The following AASDHPPT variants were observed in gnomAD, a reference collection of about 807,000 sequenced individuals.
AASDHPPT encodes the protein L-aminoadipate-semialdehyde dehydrogenase-phosphopantetheinyl transferase.
In AASDHPPT, 23 loss-of-function variants were observed where a neutral mutation model predicts 36.4. That is an observed-to-expected ratio of 0.63 (90% CI 0.45 to 0.89). The LOEUF (loss-of-function observed/expected upper bound fraction) is 0.89. AASDHPPT is among the 40% of genes least tolerant of loss of function. The probability of loss-of-function intolerance (pLI) is 0.00; values close to 1 mark genes in which losing one functional copy is unlikely to be tolerated. For missense variants in AASDHPPT, 377 were observed against 378.2 expected, an observed-to-expected ratio of 1.00 and a Z score of 0.03; for synonymous variants, 115 against 128.0, an observed-to-expected ratio of 0.90 and a Z score of 0.68.
rs1439748836 is a variant in AASDHPPT at position 106,098,509 on chromosome 11, A to G, written c.*1602A>G. 6.6e-6 allele frequency: 1 copy of G among 150,956 alleles called. No individual in the cohort carries two copies. The highest frequency in any genetic ancestry group is 1.5e-5 in the Non-Finnish European group (1 of 67,612). The allele number at this position is 150,956 out of a possible 1,614,324, so 9.4% of individuals were successfully genotyped here. ...AATTAGGTACTTCGATTAGTAAAAG[A>G]AAAAAATTTGAATGTTTTTTTTTTT... is the stretch of plus-strand genomic sequence containing the variant. On this transcript the variant is annotated 3_prime_UTR_variant, in exon 6 of 6. Coordinates refer to ENST00000278618, the MANE Select transcript of AASDHPPT (RefSeq NM_015423.3).
At chr11:106,095,641 G>A (rs550935471) in intron 5 of AASDHPPT, 1 of 152,274 alleles carries the variant, frequency 6.6e-6, no homozygotes, top group Non-Finnish European at 1.5e-5. Flanking sequence ...ATGAAAGAAT[G>A]TAGCATGATC....
chr11:106,092,244 C>CT (rs1193322180), intron 4 of AASDHPPT: 1 of 152,162 alleles, frequency 6.6e-6, no homozygotes, highest in African/African-American at 2.4e-5. Flanking sequence ...AAGGGATGCC[C>CT]TGGCCTAGCT....
chr11:106,078,733 G>A (rs1861096014), intron 1 of AASDHPPT, among the ~76,000 whole-genome samples: 1 of 152,078 alleles, frequency 6.6e-6, no homozygotes, highest in Non-Finnish European at 1.5e-5. Flanking sequence ...AAAAGTCAGT[G>A]TTAGAATTGA....
intron 4 of AASDHPPT, chr11:106,092,224 A>T (rs1208171589): frequency 1.3e-5 from 2 of 152,180 alleles, no homozygotes; most frequent in Non-Finnish European, 2.9e-5. Flanking sequence ...CAAGCCCAAA[A>T]ATCCTAGAGA....
At position 106,097,023 on chromosome 11, in the gene AASDHPPT, G is replaced by T; in HGVS notation, c.*116G>T. On this transcript the variant is annotated 3_prime_UTR_variant, in exon 6 of 6. Transcript: ENST00000278618. ...TTCACGAAAGTTTTTTTAAAGAACAGAAACTTTTCCAATTAAAAAAAAAAA... is the reference window on the plus strand; with the variant it reads ...TTCACGAAAGTTTTTTTAAAGAACATAAACTTTTCCAATTAAAAAAAAAAA... 9.4e-7 allele frequency: 1 copy of T among 1,069,278 alleles called. No homozygotes were observed. The highest frequency in any genetic ancestry group is 1.3e-6 in the Non-Finnish European group (1 of 779,272). 66.2% of individuals were successfully genotyped at this position (1,069,278 alleles called of 1,614,324 possible).
At chr11:106,085,866 CCCT>C (rs1479085314) in intron 2 of AASDHPPT, 5 of 152,212 alleles carry the variant, frequency 3.3e-5, no homozygotes, top group African/African-American at 1.2e-4. Flanking sequence ...GGTTGAGTAT[CCCT>C]AGTGGGAAAT....
chr11:106,085,161 G>C (rs1318737148), intron 2 of AASDHPPT, among the ~76,000 whole-genome samples: 1 of 151,612 alleles, frequency 6.6e-6, no homozygotes, highest in African/African-American at 2.4e-5. Context: ...GAGTGCAGTG[G>C]CGTGATCTTG....
chr11:106,095,147 T>G (rs1394454908), intron 5 of AASDHPPT, among the ~76,000 whole-genome samples: 1 of 152,132 alleles, frequency 6.6e-6, no homozygotes, highest in Non-Finnish European at 1.5e-5. Flanking sequence ...TGTTACCCGC[T>G]TCTTCACATT....
In AASDHPPT at chr11:106,098,636, T is replaced by C. The variant is rs1313229200; in HGVS notation, c.*1729T>C. 1.3e-5 allele frequency: 2 copies of C among 151,980 alleles called. No individual in the cohort carries two copies. The highest frequency in any genetic ancestry group is 4.8e-5 in the African/African-American group (2 of 41,424). The allele number at this position is 151,980 out of a possible 1,614,324, so 9.4% of individuals were successfully genotyped here. A position where few individuals can be genotyped will look rare whatever the true frequency, so the allele number is the denominator to read the frequency against. On this transcript the variant is annotated 3_prime_UTR_variant, in exon 6 of 6. Coordinates refer to ENST00000278618, the MANE Select transcript of AASDHPPT (RefSeq NM_015423.3). ...GTTATCCCTAGCATGAGTGTAATGG[T>C]GATATGAAAAACTTTGTCTTGTCAT...
At position 106,097,311 on chromosome 11, in the gene AASDHPPT, T is replaced by A. The variant is rs1437721314; in HGVS notation, c.*404T>A. The A allele has an allele frequency of 5.8e-6, 1 of 171,194 alleles. No individual in the cohort carries two copies. The highest frequency in any genetic ancestry group is 1.2e-5 in the Non-Finnish European group (1 of 81,538). 10.6% of individuals were successfully genotyped at this position (171,194 alleles called of 1,614,324 possible). On this transcript the variant is annotated 3_prime_UTR_variant, in exon 6 of 6. Coordinates refer to ENST00000278618, the MANE Select transcript of AASDHPPT (RefSeq NM_015423.3). The stretch of plus-strand genomic sequence containing the variant: ...GACATATTTGATTTTTTTAAAAACA[T>A]GGAAACGTACTGTTTTGTAAATTCT...
chr11:106,084,754 A>G (rs961010443), intron 2 of AASDHPPT, among the ~76,000 whole-genome samples: 1 of 151,692 alleles, frequency 6.6e-6, no homozygotes, highest in African/African-American at 2.4e-5. Context: ...CTCAGCCTCC[A>G]GTGTAGCTGG....
chr11:106,079,238 C>T (rs1052721779), intron 1 of AASDHPPT, among the ~76,000 whole-genome samples: 4 of 152,180 alleles, frequency 2.6e-5, no homozygotes, highest in African/African-American at 9.7e-5. Context: ...AGGATGCCAG[C>T]TGTTAACTTT....
intron 2 of AASDHPPT, among the ~76,000 whole-genome samples, chr11:106,080,137 T>C (rs566099312): frequency 6.6e-6 from 1 of 152,274 alleles, no homozygotes. Flanking sequence ...CTCATGTGAA[T>C]TTTTTTCAGT....
In AASDHPPT at chr11:106,097,748, C is replaced by G. The variant is rs1364444959; in HGVS notation, c.*841C>G. On this transcript the variant is annotated 3_prime_UTR_variant, in exon 6 of 6. Transcript: ENST00000278618. ...CCCCTCAGTTTCCATTGACTTAGAT[C>G]AGGTTACAGAGAAAGGCAATGTCTG... 6.6e-6 allele frequency: 1 copy of G among 152,044 alleles called. No individual in the cohort carries two copies. The highest frequency in any genetic ancestry group is 1.5e-5 in the Non-Finnish European group (1 of 67,986). 9.4% of individuals were successfully genotyped at this position (152,044 alleles called of 1,614,324 possible).
rs1389902990 is a variant in AASDHPPT, at chr11:106,090,674, A to G, written c.527A>G (p.Asn176Ser). The G allele has an allele frequency of 6.3e-7, 1 of 1,580,004 alleles. No individual in the cohort carries two copies. Among genetic ancestry groups the G allele is most frequent in the Non-Finnish European group, 8.6e-7 (1 of 1,166,250 alleles). ...EWTQLDMFYR[N>S]WALKESFIKA... ...ACTCAGCTGGATATGTTTTATAGGA[A>G]TTGGGTATAATTCTTTCTAATTTTG... is the stretch of plus-strand genomic sequence containing the variant. Residue 176 changes from asparagine to serine, a missense_variant, in exon 3 of 6, where the codon AAT becomes AGT. By Grantham distance (46) the Asn-to-Ser change is conservative. Coordinates refer to ENST00000278618, the MANE Select transcript of AASDHPPT (RefSeq NM_015423.3).
intron 2 of AASDHPPT, among the ~76,000 whole-genome samples, chr11:106,082,982 T>C (rs1861158900): frequency 6.6e-6 from 1 of 152,150 alleles, no homozygotes; most frequent in Non-Finnish European, 1.5e-5. Flanking sequence ...AGGACCAGAA[T>C]TTTCCCCCTA....
At chr11:106,089,328 A>C (rs1182412425) in intron 2 of AASDHPPT, among the ~76,000 whole-genome samples, 1 of 151,982 alleles carries the variant, frequency 6.6e-6, no homozygotes, top group Non-Finnish European at 1.5e-5. Flanking sequence ...CAAATTTTGG[A>C]GTTGGTTATT....
At chr11:106,080,010 GTTAA>G (rs1346675396) in intron 2 of AASDHPPT, among the ~76,000 whole-genome samples, 2 of 152,032 alleles carry the variant, frequency 1.3e-5, no homozygotes, top group African/African-American at 2.4e-5. Context: ...CAATTTTTCA[GTTAA>G]TTGTTTGTTT....
chr11:106,079,275 C>T (rs1861104065), intron 1 of AASDHPPT, among the ~76,000 whole-genome samples, 192 bp from the exon 2 acceptor site: 1 of 152,138 alleles, frequency 6.6e-6, no homozygotes, highest in South Asian at 2.1e-4. Context: ...GAGGGAATTG[C>T]TAAGGCGGGC....
Sources: allele counts gnomAD v4.1 joint callset (sites outside exome capture counted in the v4.1 genomes callset), GRCh38; gene constraint gnomAD v4.1.1; transcripts MANE v1.5; gene names NCBI Gene and HGNC (gene_info 2026-07-23, HGNC 2026-07-21).